The following UMOD variants were observed in gnomAD, a reference collection of about 807,000 sequenced individuals.
UMOD encodes Tamm-Horsfall urinary glycoprotein.
In UMOD, 64 loss-of-function variants were observed where a neutral mutation model predicts 66.0. That is an observed-to-expected ratio of 0.97 (90% CI 0.79 to 1.19). The LOEUF is 1.19. UMOD is among the 50% of genes most tolerant of loss of function. The pLI, the probability that UMOD is intolerant of heterozygous loss-of-function variation, is 0.00. For missense variants in UMOD, 764 were observed against 850.9 expected, an observed-to-expected ratio of 0.90 and a Z score of 1.27; for synonymous variants, 398 against 352.7, an observed-to-expected ratio of 1.13 and a Z score of -1.44.
chr16:20,348,734 G>C lies in UMOD; in HGVS notation c.567C>G (p.Tyr189Ter), dbSNP rs387907553. 8 of 1,546,282 alleles carry C rather than the reference G, an allele frequency of 5.2e-6. No homozygotes were observed. Among genetic ancestry groups the C allele is most frequent in the Non-Finnish European group, 7.0e-6 (8 of 1,146,780 alleles). Residue 189 changes from tyrosine (Y) to a stop codon, truncating the protein, a stop_gained, in exon 3 of 11, where the codon TAC becomes TAG. Transcript: ENST00000396138. LOFTEE classifies it high-confidence loss of function. ...CCGTGTCGCAGGCGTAGCCCTCCCC[G>C]TACTCGGTGCTGCGCCAGTACTCGT... ...TLDEYWRSTE[Y>*]GEGYACDTDL...
In UMOD at chr16:20,350,726, T is replaced by C. The variant is rs777723507; in HGVS notation, c.12A>G (p.Pro4=). Residue 4 remains proline, a synonymous_variant, in exon 2 of 11, where the codon CCA becomes CCG. Transcript: ENST00000396138. ...CCACCATCAGCATCCAAGTCAGAGA[T>C]GGCTGCCCCATCCTTTCTGCTCTTC... is the stretch of plus-strand genomic sequence containing the variant. MGQ[P]SLTWMLMVVV... is the part of the protein sequence containing the mutation. The C allele has an allele frequency of 1.9e-6, 3 of 1,614,084 alleles. No homozygotes were observed. Among genetic ancestry groups the C allele is most frequent in the African/African-American group, 1.3e-5 (1 of 74,928 alleles).
chr16:20,345,394 CTTTTT>C (rs879393522), intron 5 of UMOD, among the ~76,000 whole-genome samples: 1 of 121,600 alleles, frequency 8.2e-6, no homozygotes, highest in African/African-American at 3.8e-5. Context: ...CCTTTCTTTT[CTTTTT>C]TTTTCTTTCT....
At chr16:20,355,008 A>T (rs140113999), upstream of UMOD, among the ~76,000 whole-genome samples, 21 of 152,264 alleles carry the variant, frequency 1.4e-4, no homozygotes, top group East Asian at 3.9e-3. Flanking sequence ...GAAATTATTC[A>T]AACTAAGCCA....
intron 7 of UMOD, 77 bp from the exon 8 acceptor site, chr16:20,337,530 G>C: frequency 6.3e-7 from 1 of 1,578,692 alleles, no homozygotes; most frequent in Non-Finnish European, 8.7e-7. Context: ...TTCAAATATT[G>C]CTCTGTCACC....
chr16:20,341,393 C>T, intron 6 of UMOD, 57 bp from the exon 7 acceptor site: 3 of 1,604,970 alleles, frequency 1.9e-6, no homozygotes, highest in Non-Finnish European at 2.5e-6. Flanking sequence ...GCAGATAGGC[C>T]ACCTTCTCTG....
chr16:20,355,724 T>C (rs1966017237), upstream of UMOD, among the ~76,000 whole-genome samples: 2 of 152,114 alleles, frequency 1.3e-5, no homozygotes, highest in African/African-American at 4.8e-5. Context: ...CTCTTAACTT[T>C]CAAACATGGG....
At chr16:20,346,550 C>T (rs1325064110) in intron 4 of UMOD, among the ~76,000 whole-genome samples, 2 of 152,168 alleles carry the variant, frequency 1.3e-5, no homozygotes, top group Non-Finnish European at 2.9e-5. Context: ...GTCTTGGGTT[C>T]CCCTAAATGT....
At chr16:20,338,656 G>A (rs907747698) in intron 7 of UMOD, among the ~76,000 whole-genome samples, 3 of 151,792 alleles carry the variant, frequency 2.0e-5, no homozygotes, top group Admixed American at 6.6e-5. Context: ...ATCATGCCTG[G>A]CTAATTCTTG....
chr16:20,344,112 G>T lies in UMOD; in HGVS notation c.1243C>A (p.Arg415Ser). 3 of 1,613,576 alleles carry T rather than the reference G, an allele frequency of 1.9e-6. No individual in the cohort carries two copies. Among genetic ancestry groups the T allele is most frequent in the Non-Finnish European group, 2.5e-6 (3 of 1,179,784 alleles). ...TLYLADEIII[R>S]DLNIKINFAC... Reference sequence around the variant, plus strand: ...AAGTTGATTTTGATGTTGAGGTCACGGATGATGATCTCATCTGCCAGGTAG... The same window carrying T: ...AAGTTGATTTTGATGTTGAGGTCACTGATGATGATCTCATCTGCCAGGTAG... The change falls in exon 6 of 11, where the codon CGT becomes AGT. Residue 415 changes from arginine to serine, a missense_variant. Coordinates refer to ENST00000396138, the MANE Select transcript of UMOD (RefSeq NM_003361.4).
intron 5 of UMOD, among the ~76,000 whole-genome samples, chr16:20,345,366 T>C (rs1965483226): frequency 6.6e-6 from 1 of 151,626 alleles, no homozygotes; most frequent in Non-Finnish European, 1.5e-5. Context: ...TCCTTCTTTC[T>C]TCCTTTCTTC....
intron 7 of UMOD, among the ~76,000 whole-genome samples, chr16:20,338,054 C>G (rs1964980770): frequency 6.6e-6 from 1 of 152,218 alleles, no homozygotes; most frequent in Non-Finnish European, 1.5e-5. Flanking sequence ...CCATTCCGCA[C>G]TCTTTCCTCA....
At chr16:20,334,001 T>C (rs1358902597) in intron 10 of UMOD, among the ~76,000 whole-genome samples, 1 of 120,762 alleles carries the variant, frequency 8.3e-6, no homozygotes, top group Non-Finnish European at 1.6e-5. Flanking sequence ...ACCACTGCAC[T>C]CCAGCCTGGG....
chr16:20,349,878 TA>T, intron 2 of UMOD: 2 of 1,518,006 alleles, frequency 1.3e-6, no homozygotes, highest in Non-Finnish European at 1.8e-6. Flanking sequence ...TCCTCCGTAA[TA>T]AAAATAACCA....
At chr16:20,346,695 C>A (rs774921970) in intron 4 of UMOD, among the ~76,000 whole-genome samples, 1 of 152,074 alleles carries the variant, frequency 6.6e-6, no homozygotes, top group African/African-American at 2.4e-5. Context: ...CTTTGGGAGG[C>A]CAAGGCAGAC....
chr16:20,346,833 C>G (rs530757082), intron 4 of UMOD, among the ~76,000 whole-genome samples: 1 of 151,248 alleles, frequency 6.6e-6, no homozygotes, highest in Non-Finnish European at 1.5e-5. Context: ...CAAACCTGCA[C>G]GTTGTGCACA....
intron 9 of UMOD, among the ~76,000 whole-genome samples, chr16:20,335,811 C>T (rs369805559): frequency 1.3e-5 from 2 of 152,178 alleles, no homozygotes; most frequent in Admixed American, 1.3e-4. Flanking sequence ...CAGGCTCCCT[C>T]CTGCCACAGG....
chr16:20,341,073 T>C lies in UMOD; in HGVS notation c.1577+18A>G. The C allele has an allele frequency of 6.2e-7, 1 of 1,612,710 alleles. No individual in the cohort carries two copies. Among genetic ancestry groups the C allele is most frequent in the Non-Finnish European group, 8.5e-7 (1 of 1,179,554 alleles). ...TGAATTCTACCCATGAGTTCCCATG[T>C]AGGAACCTTTGCCTTACCTGTCCTG... is the stretch of plus-strand genomic sequence containing the variant. On this transcript the variant is annotated intron_variant, in intron 7 of 10. Transcript: ENST00000396138.
At chr16:20,346,405 G>C (rs1262225595) in intron 4 of UMOD, 71 bp from the exon 5 acceptor site, 1 of 1,529,546 alleles carries the variant, frequency 6.5e-7, no homozygotes, top group East Asian at 2.2e-5. Context: ...CCAGGGGCCA[G>C]GTCCAGCTGG....
At chr16:20,354,360 C>G (rs1358065585), upstream of UMOD, among the ~76,000 whole-genome samples, 1 of 152,116 alleles carries the variant, frequency 6.6e-6, no homozygotes, top group Non-Finnish European at 1.5e-5. Context: ...CAAACAGCAC[C>G]CCAGAGAATT....
Sources: gnomAD v4.1 joint callset for allele counts (sites outside exome capture counted in the v4.1 genomes callset) on GRCh38, gnomAD v4.1.1 for gene constraint, MANE v1.5 for transcripts, NCBI Gene and HGNC (gene_info 2026-07-23, HGNC 2026-07-21) for gene names.